Variants in MAP3K7CL observed in about 807,000 individuals in gnomAD.
MAP3K7CL encodes MAP3K7 C-terminal-like protein.
Under a neutral mutation model 18.6 loss-of-function variants are expected in MAP3K7CL, and 16 were observed. The ratio of observed to expected loss-of-function variants is 0.86; its 90% confidence interval spans 0.58 to 1.31. The LOEUF is 1.31. Among genes scored for constraint, MAP3K7CL ranks in the 50% most tolerant of loss-of-function variants. The probability of loss-of-function intolerance (pLI) is 0.00; values close to 1 mark genes in which losing one functional copy is unlikely to be tolerated. For missense variants in MAP3K7CL, 163 were observed against 174.4 expected, an observed-to-expected ratio of 0.93 and a Z score of 0.37; for synonymous variants, 65 against 66.8, an observed-to-expected ratio of 0.97 and a Z score of 0.13.
chr21:29,097,818 C>T (rs886145221), intron 4 of MAP3K7CL, among the ~76,000 whole-genome samples: 14 of 151,962 alleles, frequency 9.2e-5, no homozygotes, highest in African/African-American at 3.1e-4. Flanking sequence ...TGATTTCTAC[C>T]CCCCGCACCC....
At chr21:29,109,569 AT>A (rs554668377) in intron 4 of MAP3K7CL, 172 of 1,017,072 alleles carry the variant, frequency 1.7e-4, no homozygotes, top group Non-Finnish European at 2.0e-4. Flanking sequence ...CCATTTTTTG[AT>A]TTATAAACTG....
At chr21:29,088,257 A>G (rs1042772120) in intron 1 of MAP3K7CL, among the ~76,000 whole-genome samples, 3 of 152,210 alleles carry the variant, frequency 2.0e-5, no homozygotes, top group African/African-American at 7.2e-5. Flanking sequence ...GCTGTTGTAT[A>G]TATTCTGGAT....
At chr21:29,121,312 A>T (rs2086591177) in intron 4 of MAP3K7CL, among the ~76,000 whole-genome samples, 1 of 152,070 alleles carries the variant, frequency 6.6e-6, no homozygotes, top group African/African-American at 2.4e-5. Context: ...CCATCTGAAA[A>T]TGAAGCTAAA....
At chr21:29,119,551 C>T (rs1191892005) in intron 4 of MAP3K7CL, among the ~76,000 whole-genome samples, 2 of 152,092 alleles carry the variant, frequency 1.3e-5, no homozygotes, top group African/African-American at 2.4e-5. Flanking sequence ...TGTGCTGTTG[C>T]GCCTTTGTGT....
chr21:29,174,652 A>C, intron 4 of MAP3K7CL, 60 bp from the exon 5 acceptor site: 1 of 1,573,662 alleles, frequency 6.4e-7, no homozygotes, highest in Non-Finnish European at 8.7e-7. Context: ...ATTACTGAAT[A>C]ATTTAATTTG....
chr21:29,117,764 C>T (rs1441161401), intron 4 of MAP3K7CL, among the ~76,000 whole-genome samples: 1 of 152,160 alleles, frequency 6.6e-6, no homozygotes, highest in Non-Finnish European at 1.5e-5. Context: ...TGAATGTCCT[C>T]AGGTTTCACA....
chr21:29,148,155 T>C (rs117224719), intron 2 of MAP3K7CL, among the ~76,000 whole-genome samples: 3 of 152,008 alleles, frequency 2.0e-5, no homozygotes, highest in Non-Finnish European at 2.9e-5. Flanking sequence ...TGTATATGTA[T>C]CTGTACTGTA....
chr21:29,106,655 GA>G (rs997710016), intron 4 of MAP3K7CL, among the ~76,000 whole-genome samples: 1 of 152,166 alleles, frequency 6.6e-6, no homozygotes, highest in Admixed American at 6.5e-5. Context: ...GTTCAGTATT[GA>G]AAGGTTTAGA....
chr21:29,167,430 G>A (rs1424080597), intron 4 of MAP3K7CL, among the ~76,000 whole-genome samples: 1 of 152,120 alleles, frequency 6.6e-6, no homozygotes, highest in African/African-American at 2.4e-5. Flanking sequence ...TCAGGATGGG[G>A]CAAAAGGGTG....
At chr21:29,112,152 G>T (rs2086430287) in intron 4 of MAP3K7CL, among the ~76,000 whole-genome samples, 2 of 152,170 alleles carry the variant, frequency 1.3e-5, no homozygotes, top group South Asian at 4.2e-4. Flanking sequence ...AAAAAAATTA[G>T]CCAGGTGTGG....
chr21:29,168,331 C>T (rs1379699600), intron 4 of MAP3K7CL, among the ~76,000 whole-genome samples: 3 of 152,136 alleles, frequency 2.0e-5, no homozygotes, highest in African/African-American at 7.2e-5. Context: ...AGATGCACTT[C>T]CCAAGACTGA....
At chr21:29,146,923 C>T (rs2087140463) in intron 2 of MAP3K7CL, among the ~76,000 whole-genome samples, 1 of 152,080 alleles carries the variant, frequency 6.6e-6, no homozygotes, top group Admixed American at 6.6e-5. Context: ...GCCAGAAATG[C>T]CTTGTGTACT....
intron 4 of MAP3K7CL, among the ~76,000 whole-genome samples, chr21:29,173,610 G>T (rs1193644168): frequency 6.6e-6 from 1 of 152,164 alleles, no homozygotes; most frequent in East Asian, 1.9e-4. Context: ...TCTAGGTTAG[G>T]ATTACCTGAC....
chr21:29,128,368 T>A (rs866279759), upstream of MAP3K7CL, among the ~76,000 whole-genome samples: 3 of 151,908 alleles, frequency 2.0e-5, no homozygotes, highest in Non-Finnish European at 2.9e-5. Context: ...AGTGGCACGA[T>A]TTAGGCTCAC....
intron 3 of MAP3K7CL, 115 bp from the exon 4 acceptor site, chr21:29,159,826 A>C (rs9979171): frequency 1.3e-4 from 3 of 23,564 alleles, no homozygotes; most frequent in East Asian, 0.01. Flanking sequence ...TTCTCACGTT[A>C]AAAAAAAAAA....
At chr21:29,133,122 A>G (rs1254795435) in intron 1 of MAP3K7CL, among the ~76,000 whole-genome samples, 184 bp from the exon 2 acceptor site, 1 of 152,224 alleles carries the variant, frequency 6.6e-6, no homozygotes, top group Non-Finnish European at 1.5e-5. Flanking sequence ...GCCAAGAAAA[A>G]AAGATTTAAA....
intron 4 of MAP3K7CL, among the ~76,000 whole-genome samples, chr21:29,104,751 C>T (rs1014694158): frequency 2.6e-5 from 4 of 152,198 alleles, no homozygotes; most frequent in Admixed American, 6.5e-5. Context: ...CCCAAAAGTG[C>T]GCTTGCTATG....
At chr21:29,123,489 G>A (rs2086632617) in intron 4 of MAP3K7CL, among the ~76,000 whole-genome samples, 1 of 152,118 alleles carries the variant, frequency 6.6e-6, no homozygotes, top group Admixed American at 6.6e-5. Context: ...GAACAGAGAA[G>A]CATATTAAAA....
intron 4 of MAP3K7CL, among the ~76,000 whole-genome samples, chr21:29,124,659 G>C (rs1205102795): frequency 6.6e-6 from 1 of 152,152 alleles, no homozygotes; most frequent in African/African-American, 2.4e-5. Context: ...GTTTTGGTAT[G>C]ACCCAGGAGC....
Sources: gnomAD v4.1 joint callset for allele counts (sites outside exome capture counted in the v4.1 genomes callset) on GRCh38, gnomAD v4.1.1 for gene constraint, MANE v1.5 for transcripts, NCBI Gene and HGNC (gene_info 2026-07-23, HGNC 2026-07-21) for gene names.